Variants in PICALM observed in about 807,000 individuals in gnomAD.
The protein encoded by PICALM is phosphatidylinositol binding clathrin assembly protein.
Under a neutral mutation model 80.5 loss-of-function variants are expected in PICALM, and 40 were observed. That is an observed-to-expected ratio of 0.50 (90% confidence interval 0.39 to 0.65). PICALM has a LOEUF of 0.65. PICALM is among the 30% of genes least tolerant of loss of function. The pLI, the probability that PICALM is intolerant of heterozygous loss-of-function variation, is 0.00. For synonymous variants in PICALM, 288 were observed against 260.3 expected (o/e 1.11, Z -1.02); for missense variants, 676 against 778.9 (o/e 0.87, Z 1.57).
At chr11:86,041,063 C>G (rs1402268110) in intron 1 of PICALM, among the ~76,000 whole-genome samples, 2 of 152,172 alleles carry the variant, frequency 1.3e-5, no homozygotes, top group East Asian at 3.8e-4. Flanking sequence ...CTTAACTCAT[C>G]ATACAATAGT....
chr11:86,004,713 T>C (rs975580258), intron 8 of PICALM, among the ~76,000 whole-genome samples: 17 of 152,156 alleles, frequency 1.1e-4, no homozygotes, highest in African/African-American at 4.1e-4. Context: ...GGATACAGGA[T>C]CTAAAAATAG....
In PICALM at chr11:85,969,285, A is replaced by G. The variant is rs563992044; in HGVS notation, c.1944+5423T>C. Among the ~76,000 whole-genome samples, 6 of 152,380 alleles carry G rather than the reference A, an allele frequency of 3.9e-5. No homozygotes were observed. The South Asian group carries it at 1.2e-3, about 32-fold the overall frequency. Reference sequence around the variant, plus strand: ...AAAAATGTTAACTTGATATAATAGTAATCAGGCAAGAGACCAAGAGCTACA... The same window carrying G: ...AAAAATGTTAACTTGATATAATAGTGATCAGGCAAGAGACCAAGAGCTACA... On this transcript the variant is annotated intron_variant, in intron 19 of 19. Coordinates refer to ENST00000393346, the MANE Select transcript of PICALM (RefSeq NM_007166.4).
chr11:86,037,461 T>A (rs570851311), intron 1 of PICALM, among the ~76,000 whole-genome samples: 61 of 151,652 alleles, frequency 4.0e-4, no homozygotes, highest in African/African-American at 1.5e-3. Flanking sequence ...GGTTTCACCA[T>A]CTTGGCCAGG....
rs577054630 is a variant in PICALM at position 86,041,434 on chromosome 11, G to A, written c.131-9823C>T. Reference sequence around the variant, plus strand: ...AATAAAAAGCCTCTACTTCAAGAACGGAACACAGAAGAGATTTTTTAAAAG... The same window carrying A: ...AATAAAAAGCCTCTACTTCAAGAACAGAACACAGAAGAGATTTTTTAAAAG... On this transcript the variant is annotated intron_variant, in intron 1 of 19. Coordinates refer to ENST00000393346, the MANE Select transcript of PICALM (RefSeq NM_007166.4). Among the ~76,000 whole-genome samples the A allele has an allele frequency of 5.3e-5, 8 of 152,170 alleles. No individual in the cohort carries two copies. The South Asian group carries it at 1.5e-3, about 28-fold the overall frequency.
At chr11:85,966,909 G>T (rs2093919966) in intron 19 of PICALM, among the ~76,000 whole-genome samples, 1 of 152,236 alleles carries the variant, frequency 6.6e-6, no homozygotes, top group Non-Finnish European at 1.5e-5. Flanking sequence ...TTCAGAGGGA[G>T]CATGGCTCTG....
intron 1 of PICALM, among the ~76,000 whole-genome samples, chr11:86,058,182 CCTATTT>C (rs2096300191): frequency 1.3e-5 from 2 of 151,766 alleles, no homozygotes; most frequent in African/African-American, 4.8e-5. Context: ...GGCACACATT[CCTATTT>C]CTTAAATATC....
chr11:85,979,721 G>C (rs1272096467), intron 17 of PICALM, among the ~76,000 whole-genome samples: 2 of 152,064 alleles, frequency 1.3e-5, no homozygotes, highest in Non-Finnish European at 2.9e-5. Context: ...CGGAAAACAG[G>C]GCAGTGCTCT....
At chr11:86,027,307 T>C (rs1017234149) in intron 2 of PICALM, among the ~76,000 whole-genome samples, 1 of 152,204 alleles carries the variant, frequency 6.6e-6, no homozygotes, top group Non-Finnish European at 1.5e-5. Flanking sequence ...TTCTCAATAT[T>C]GCCAAAATGG....
intron 4 of PICALM, among the ~76,000 whole-genome samples, chr11:86,019,225 A>G (rs929266060): frequency 6.6e-6 from 1 of 151,940 alleles, no homozygotes; most frequent in Admixed American, 6.6e-5. Context: ...ATGATATAAT[A>G]ATTTCAATTG....
chr11:86,066,746 CA>C lies in PICALM; in HGVS notation c.130+1904del, dbSNP rs201337814. Among the ~76,000 whole-genome samples, 202 of 99,036 alleles carry C rather than the reference CA, an allele frequency of 2.0e-3. 2 individuals carry two copies. The highest frequency in any genetic ancestry group is 2.7e-3 in the Non-Finnish European group (128 of 46,906). 65.0% of individuals were successfully genotyped at this position (99,036 alleles called of 152,430 possible). A position where few individuals can be genotyped will look rare whatever the true frequency, so the allele number is the denominator to read the frequency against. On this transcript the variant is annotated intron_variant, in intron 1 of 19. Coordinates refer to ENST00000393346, the MANE Select transcript of PICALM (RefSeq NM_007166.4). ...CAACTAGTTTCTTCATACTCCCATA[CA>C]AAAAAAAAAAACAAAAAAAAACCAA...
intron 11 of PICALM, among the ~76,000 whole-genome samples, chr11:85,998,666 T>C (rs1005030026): frequency 2.6e-5 from 4 of 152,206 alleles, no homozygotes; most frequent in Admixed American, 2.6e-4. Flanking sequence ...TAGTCCCAGC[T>C]ACTCGGGAAG....
At chr11:86,062,192 T>C (rs1179391682) in intron 1 of PICALM, among the ~76,000 whole-genome samples, 4 of 152,134 alleles carry the variant, frequency 2.6e-5, no homozygotes, top group East Asian at 1.9e-4. Context: ...TGCCATACAA[T>C]TGGCCAAACC....
chr11:86,003,524 T>C (rs1306422685), intron 8 of PICALM, 73 bp from the exon 9 acceptor site: 7 of 884,422 alleles, frequency 7.9e-6, no homozygotes, highest in Non-Finnish European at 1.2e-5. Context: ...TATCATCTAA[T>C]TAGAGAGCAA....
chr11:85,977,596 AT>A (rs1279781862), intron 17 of PICALM, among the ~76,000 whole-genome samples: 1 of 152,254 alleles, frequency 6.6e-6, no homozygotes, highest in African/African-American at 2.4e-5. Context: ...CTTTAAAAAA[AT>A]AACACTAAAG....
intron 19 of PICALM, among the ~76,000 whole-genome samples, chr11:85,961,772 G>C (rs931672192): frequency 2.6e-5 from 4 of 152,174 alleles, no homozygotes; most frequent in African/African-American, 9.6e-5. Flanking sequence ...TGACTAACTG[G>C]AAATAGTTTC....
At position 86,039,856 on chromosome 11, in the gene PICALM, T is replaced by C. The variant is rs1287075673; in HGVS notation, c.131-8245A>G. On this transcript the variant is annotated intron_variant, in intron 1 of 19. Coordinates refer to ENST00000393346, the MANE Select transcript of PICALM (RefSeq NM_007166.4). ...ATCTCTACTAAAAATACAAAAAAAT[T>C]AGCTGGGCATGGTGGCGGGAGCCTG... Among the ~76,000 whole-genome samples the C allele has an allele frequency of 2.0e-5, 3 of 151,670 alleles. No individual in the cohort carries two copies. The South Asian group carries it at 6.2e-4, about 31-fold the overall frequency.
At chr11:85,964,189 G>C (rs142408927) in intron 19 of PICALM, among the ~76,000 whole-genome samples, 40 of 152,168 alleles carry the variant, frequency 2.6e-4, no homozygotes, top group African/African-American at 9.2e-4. Context: ...AAGACTAAAT[G>C]GTTGGATATT....
intron 1 of PICALM, among the ~76,000 whole-genome samples, chr11:86,038,598 T>C (rs550602450): frequency 1.3e-5 from 2 of 152,042 alleles, no homozygotes; most frequent in Admixed American, 6.5e-5. Context: ...CTGGCCAAGA[T>C]GCTGAAACCC....
intron 1 of PICALM, among the ~76,000 whole-genome samples, chr11:86,056,222 G>A (rs931959167): frequency 1.4e-5 from 2 of 142,064 alleles, no homozygotes; most frequent in African/African-American, 5.2e-5. Context: ...TATCAAGAAA[G>A]TGACAAGCCA....
Sources: gnomAD v4.1 joint callset for allele counts (sites outside exome capture counted in the v4.1 genomes callset) on GRCh38, gnomAD v4.1.1 for gene constraint, MANE v1.5 for transcripts, NCBI Gene and HGNC (gene_info 2026-07-23, HGNC 2026-07-21) for gene names.